Variants in RGS6 observed in about 807,000 individuals in gnomAD.
RGS6 encodes regulator of G protein signaling 6.
Under a neutral mutation model 78.5 loss-of-function variants are expected in RGS6, and 30 were observed. That is an observed-to-expected ratio of 0.38 (90% CI 0.29 to 0.52). RGS6 has a LOEUF of 0.52. Ranked by LOEUF, RGS6 falls within the 20% of genes least tolerant of loss-of-function variation. The pLI is 0.85. For synonymous variants in RGS6, 206 were observed against 206.0 expected (o/e 1.00, Z 0.00); for missense variants, 495 against 609.7 (o/e 0.81, Z 1.98).
At chr14:72,557,519 T>G (rs1463100617) in intron 17 of RGS6, among the ~76,000 whole-genome samples, 1 of 152,222 alleles carries the variant, frequency 6.6e-6, no homozygotes, top group African/African-American at 2.4e-5. Context: ...CCTTTCCACC[T>G]GGCTCTTGGG....
intron 3 of RGS6, among the ~76,000 whole-genome samples, chr14:72,366,072 A>G (rs964430322): frequency 6.6e-6 from 1 of 152,164 alleles, no homozygotes. Flanking sequence ...TATAATTTTC[A>G]CATCTTCTTC....
intron 2 of RGS6, among the ~76,000 whole-genome samples, chr14:72,201,832 A>G (rs559313485): frequency 6.6e-6 from 1 of 152,340 alleles, no homozygotes; most frequent in South Asian, 2.1e-4. Flanking sequence ...CTTTCAAGCT[A>G]CAAGGCAGAG....
intron 2 of RGS6, among the ~76,000 whole-genome samples, chr14:72,303,237 A>C (rs1224394598): frequency 6.6e-6 from 1 of 152,234 alleles, no homozygotes; most frequent in Non-Finnish European, 1.5e-5. Context: ...GTGGTGGCTC[A>C]CGCTTGTAAT....
intron 3 of RGS6, among the ~76,000 whole-genome samples, chr14:72,385,206 C>G (rs1357089880): frequency 6.6e-6 from 1 of 152,088 alleles, no homozygotes; most frequent in East Asian, 1.9e-4. Context: ...AAAATATATT[C>G]AAAGCTTGGG....
At chr14:72,509,706 G>A (rs1047674704) in intron 13 of RGS6, among the ~76,000 whole-genome samples, 1 of 152,164 alleles carries the variant, frequency 6.6e-6, no homozygotes, top group Admixed American at 6.5e-5. Context: ...TACATCACTT[G>A]GCTTGAAACA....
intron 17 of RGS6, chr14:72,552,833 G>A (rs901215697): frequency 6.6e-6 from 1 of 152,102 alleles, no homozygotes; most frequent in African/African-American, 2.4e-5. Context: ...TTCCAATGAG[G>A]TCAATAAATG....
intron 3 of RGS6, among the ~76,000 whole-genome samples, chr14:72,374,413 G>T (rs549406882): frequency 6.6e-6 from 1 of 152,024 alleles, no homozygotes; most frequent in Non-Finnish European, 1.5e-5. Context: ...TACAAAGGAC[G>T]GCATTATTCA....
At chr14:71,869,935 G>A in the RGS6 span, among the ~76,000 whole-genome samples, 6 of 152,236 alleles carry the variant, frequency 3.9e-5, no homozygotes, top group East Asian at 1.9e-4. Flanking sequence ...GCAAGAAGTC[G>A]CTTGCTGGAT....
chr14:72,562,453 ATGC>A lies in RGS6; in HGVS notation c.1460_1462del (p.Met487_Gln488delinsLys), dbSNP rs770444116. 10 of 1,612,848 alleles carry A rather than the reference ATGC, an allele frequency of 6.2e-6. No homozygotes were observed. In the South Asian group the frequency reaches 1.1e-4, roughly 18 times the overall value. Reference sequence around the variant, plus strand: ...GGCGGGCAAGCGCCTCACGGGCCTGATGCAGTCCTCCTGACCGTTCCTACCGCA... The same window carrying A: ...GGCGGGCAAGCGCCTCACGGGCCTGAAGTCCTCCTGACCGTTCCTACCGCA... On this transcript the variant is annotated inframe_deletion, in exon 18 of 18. Coordinates refer to ENST00000553525, the MANE Select transcript of RGS6 (RefSeq NM_001204424.2).
chr14:71,936,074 A>C (rs1381314914), intron 1 of RGS6, among the ~76,000 whole-genome samples: 1 of 139,658 alleles, frequency 7.2e-6, no homozygotes, highest in Non-Finnish European at 1.6e-5. Context: ...TATATGCTAT[A>C]TATATGCTAT....
At chr14:72,278,997 T>C (rs745805088) in intron 2 of RGS6, among the ~76,000 whole-genome samples, 1 of 152,128 alleles carries the variant, frequency 6.6e-6, no homozygotes, top group South Asian at 2.1e-4. Flanking sequence ...TCTTCACTTA[T>C]AAGGACACTC....
At chr14:72,485,993 G>A (rs1346885233) in intron 12 of RGS6, among the ~76,000 whole-genome samples, 5 of 152,164 alleles carry the variant, frequency 3.3e-5, no homozygotes, top group African/African-American at 7.2e-5. Context: ...ATCCCCACAC[G>A]TGATGGGAGG....
At chr14:72,001,525 G>C (rs12884669) in intron 2 of RGS6, among the ~76,000 whole-genome samples, 1 of 141,874 alleles carries the variant, frequency 7.0e-6, no homozygotes. Flanking sequence ...CACACACAAC[G>C]CAGCAACAAC....
chr14:71,943,531 T>C (rs2090992343), intron 1 of RGS6, among the ~76,000 whole-genome samples: 1 of 152,186 alleles, frequency 6.6e-6, no homozygotes, highest in African/African-American at 2.4e-5. Flanking sequence ...TCCTGCTCCA[T>C]AGTTCTCACA....
At chr14:71,966,233 A>T (rs2093502279) in intron 2 of RGS6, among the ~76,000 whole-genome samples, 1 of 152,130 alleles carries the variant, frequency 6.6e-6, no homozygotes, top group Admixed American at 6.5e-5. Context: ...TATATGGGCA[A>T]TGTGGAACTA....
intron 2 of RGS6, among the ~76,000 whole-genome samples, chr14:72,322,209 T>C (rs2072278009): frequency 6.6e-6 from 1 of 151,976 alleles, no homozygotes; most frequent in African/African-American, 2.4e-5. Flanking sequence ...AAGGTAGCTA[T>C]GATAATAAAA....
the RGS6 span, among the ~76,000 whole-genome samples, chr14:72,573,333 G>A: frequency 1.3e-5 from 2 of 152,192 alleles, no homozygotes; most frequent in Non-Finnish European, 2.9e-5. Flanking sequence ...TGGAGAGTGG[G>A]AAGACTTGGG....
At chr14:72,245,088 C>A (rs561310981) in intron 2 of RGS6, among the ~76,000 whole-genome samples, 123 of 152,300 alleles carry the variant, frequency 8.1e-4, no homozygotes, top group Middle Eastern at 3.4e-3. Flanking sequence ...ACGATATCAG[C>A]GTTGGGGAGG....
intron 2 of RGS6, among the ~76,000 whole-genome samples, chr14:72,086,027 A>G (rs554287517): frequency 6.6e-6 from 1 of 152,042 alleles, no homozygotes; most frequent in South Asian, 2.1e-4. Context: ...CTTGCTTAGG[A>G]TGCCAAGGCT....
Sources: allele counts gnomAD v4.1 joint callset (sites outside exome capture counted in the v4.1 genomes callset), GRCh38; gene constraint gnomAD v4.1.1; transcripts MANE v1.5; gene names NCBI Gene and HGNC (gene_info 2026-07-23, HGNC 2026-07-21).